The following CNTNAP2 variants were observed in gnomAD, a reference collection of about 807,000 sequenced individuals.
CNTNAP2 encodes the protein contactin-associated protein-like 2.
In CNTNAP2, 98 loss-of-function variants were observed where a neutral mutation model predicts 155.2. That is an observed-to-expected ratio of 0.63 (90% CI 0.54 to 0.75). The LOEUF is 0.75. Among genes scored for constraint, CNTNAP2 ranks in the 30% least tolerant of loss-of-function variants. The pLI is 0.00. For missense variants in CNTNAP2, 1,727 were observed against 1,688.1 expected (o/e 1.02, Z -0.40); for synonymous variants, 651 against 631.2 (o/e 1.03, Z -0.47).
intron 13 of CNTNAP2, among the ~76,000 whole-genome samples, chr7:147,765,941 TACA>T (rs1025986309): frequency 1.3e-5 from 2 of 152,212 alleles, no homozygotes; most frequent in African/African-American, 4.8e-5. Context: ...GATGAATCTC[TACA>T]ACACCATGAA....
At chr7:148,171,008 A>G (rs1805782717) in intron 17 of CNTNAP2, among the ~76,000 whole-genome samples, 1 of 152,186 alleles carries the variant, frequency 6.6e-6, no homozygotes, top group African/African-American at 2.4e-5. Flanking sequence ...TACACAGAAC[A>G]GGGCTTAAGA....
chr7:147,372,815 C>A (rs1477421247), intron 9 of CNTNAP2, among the ~76,000 whole-genome samples: 1 of 151,882 alleles, frequency 6.6e-6, no homozygotes, highest in East Asian at 1.9e-4. Flanking sequence ...GCCAAGACTC[C>A]ACCTACCTGT....
At chr7:147,754,383 C>T (rs1022096746) in intron 13 of CNTNAP2, among the ~76,000 whole-genome samples, 1 of 152,044 alleles carries the variant, frequency 6.6e-6, no homozygotes, top group Admixed American at 6.6e-5. Context: ...ACCAAAAGAA[C>T]TTAAGATATC....
At chr7:147,492,507 A>C (rs556251562) in intron 11 of CNTNAP2, among the ~76,000 whole-genome samples, 2 of 152,316 alleles carry the variant, frequency 1.3e-5, no homozygotes, top group East Asian at 3.9e-4. Flanking sequence ...GAACATAAAA[A>C]TCTTTTGATT....
chr7:146,829,937 C>T (rs747636801), intron 2 of CNTNAP2, among the ~76,000 whole-genome samples: 1 of 151,922 alleles, frequency 6.6e-6, no homozygotes, highest in Non-Finnish European at 1.5e-5. Context: ...TTGTGGACTA[C>T]CTGTTAAAGT....
At position 148,201,267 on chromosome 7, in the gene CNTNAP2, T is replaced by C. The variant is rs148707081; in HGVS notation, c.3011-16021T>C. ...AAGGGAAAGACATGCAGATCTTTGCTAGGAAGGCAAGAGAAAGAAGAGGTG... is the reference window on the plus strand; with the variant it reads ...AAGGGAAAGACATGCAGATCTTTGCCAGGAAGGCAAGAGAAAGAAGAGGTG... On this transcript the variant is annotated intron_variant, in intron 18 of 23. Transcript: ENST00000361727. Among the ~76,000 whole-genome samples the C allele has an allele frequency of 3.0e-3, 456 of 152,318 alleles. 9 individuals carry two copies. Among genetic ancestry groups the C allele is most frequent in the Admixed American group, 0.026 (401 of 15,306 alleles).
At chr7:148,045,973 A>G (rs1196038109) in intron 15 of CNTNAP2, among the ~76,000 whole-genome samples, 2 of 152,282 alleles carry the variant, frequency 1.3e-5, no homozygotes, top group African/African-American at 2.4e-5. Flanking sequence ...GTGAAAACAC[A>G]TAAGTAATTA....
intron 17 of CNTNAP2, among the ~76,000 whole-genome samples, chr7:148,153,765 G>A (rs1805350458): frequency 6.6e-6 from 1 of 152,222 alleles, no homozygotes; most frequent in East Asian, 1.9e-4. Context: ...GATATCTGCT[G>A]GGCCCCCAGC....
At chr7:148,052,133 A>T (rs1263503053) in intron 15 of CNTNAP2, among the ~76,000 whole-genome samples, 1 of 134,876 alleles carries the variant, frequency 7.4e-6, no homozygotes, top group Non-Finnish European at 1.6e-5. Context: ...ACAGAGCCAG[A>T]CTCCGTCTCC....
At chr7:146,821,551 A>G (rs554620591) in intron 2 of CNTNAP2, among the ~76,000 whole-genome samples, 2 of 152,290 alleles carry the variant, frequency 1.3e-5, no homozygotes, top group African/African-American at 4.8e-5. Flanking sequence ...GAAATGGGAG[A>G]AAATGTTCGC....
At chr7:147,955,226 A>C (rs555579951) in intron 14 of CNTNAP2, among the ~76,000 whole-genome samples, 1 of 152,350 alleles carries the variant, frequency 6.6e-6, no homozygotes, top group South Asian at 2.1e-4. Flanking sequence ...AGATCCAAAA[A>C]GCTTTTATTT....
chr7:146,638,178 C>T (rs1028872230), intron 1 of CNTNAP2, among the ~76,000 whole-genome samples: 3 of 152,064 alleles, frequency 2.0e-5, no homozygotes, highest in Admixed American at 6.6e-5. Flanking sequence ...ACTAAAGGGG[C>T]GCTTATGACT....
At position 148,283,303 on chromosome 7, in the gene CNTNAP2, G is replaced by GAA. The variant is rs1208770118; in HGVS notation, c.3475+16179_3475+16180dup. Among the ~76,000 whole-genome samples the GAA allele has an allele frequency of 3.5e-5, 3 of 86,638 alleles. 1 individual carries two copies. Among genetic ancestry groups the GAA allele is most frequent in the African/African-American group, 2.2e-4 (3 of 13,654 alleles). 56.8% of individuals were successfully genotyped at this position (86,638 alleles called of 152,430 possible). On this transcript the variant is annotated intron_variant, in intron 21 of 23. Coordinates refer to ENST00000361727, the MANE Select transcript of CNTNAP2 (RefSeq NM_014141.6). ...AGAAAGAAAGAAAGAAAGAAAGAAA[G>GAA]AAAGGAAGGAAGGAAGGAAAGAAAG...
intron 19 of CNTNAP2, among the ~76,000 whole-genome samples, chr7:148,228,929 A>G (rs1295905462): frequency 6.6e-6 from 1 of 151,572 alleles, no homozygotes; most frequent in African/African-American, 2.4e-5. Flanking sequence ...ACATCCCTGC[A>G]CTCTGCATTT....
chr7:147,806,226 G>A (rs1798088400), intron 13 of CNTNAP2, among the ~76,000 whole-genome samples: 1 of 152,010 alleles, frequency 6.6e-6, no homozygotes, highest in African/African-American at 2.4e-5. Flanking sequence ...ATGCCCAACA[G>A]GTATGTGAAA....
At chr7:147,868,189 C>T (rs529005162) in intron 13 of CNTNAP2, among the ~76,000 whole-genome samples, 6 of 152,034 alleles carry the variant, frequency 3.9e-5, no homozygotes, top group Non-Finnish European at 8.8e-5. Flanking sequence ...GTTAGTTTTC[C>T]GTCTAATAGT....
intron 1 of CNTNAP2, among the ~76,000 whole-genome samples, chr7:146,123,151 A>G (rs1290776904): frequency 1.3e-5 from 2 of 152,174 alleles, no homozygotes; most frequent in African/African-American, 2.4e-5. Flanking sequence ...TGAAGATCAC[A>G]TATTTTGGGT....
intron 13 of CNTNAP2, among the ~76,000 whole-genome samples, chr7:147,692,501 C>T (rs562087071): frequency 1.2e-4 from 19 of 152,128 alleles, no homozygotes; most frequent in African/African-American, 2.2e-4. Context: ...CATTGCTTCA[C>T]ATTCTTGGCA....
intron 1 of CNTNAP2, among the ~76,000 whole-genome samples, chr7:146,315,666 TAC>T (rs1260015196): frequency 6.6e-6 from 1 of 152,204 alleles, no homozygotes; most frequent in Admixed American, 6.5e-5. Context: ...TGTGTTTATT[TAC>T]ATTTTGTTTA....
Sources: allele counts gnomAD v4.1 joint callset (sites outside exome capture counted in the v4.1 genomes callset), GRCh38; gene constraint gnomAD v4.1.1; transcripts MANE v1.5; gene names NCBI Gene and HGNC (gene_info 2026-07-23, HGNC 2026-07-21).